Variants in CORIN observed in about 807,000 individuals in gnomAD.
CORIN encodes corin, serine peptidase, also known as atrial natriuretic peptide-converting enzyme.
Under a neutral mutation model 125.3 loss-of-function variants are expected in CORIN, and 117 were observed. The ratio of observed to expected loss-of-function variants is 0.93; its 90% CI spans 0.80 to 1.09. CORIN has a LOEUF of 1.09. Among genes scored for constraint, CORIN ranks in the 50% least tolerant of loss-of-function variants. The pLI, the probability that CORIN is intolerant of heterozygous loss-of-function variation, is 0.00. For missense variants in CORIN, 1,253 were observed against 1,306.7 expected (o/e 0.96, Z 0.63); for synonymous variants, 450 against 466.4 (o/e 0.96, Z 0.45).
intron 19 of CORIN, among the ~76,000 whole-genome samples, chr4:47,611,111 G>C (rs1301479791): frequency 6.6e-6 from 1 of 152,126 alleles, no homozygotes; most frequent in African/African-American, 2.4e-5. Flanking sequence ...TTTTAAAATA[G>C]TTTTTTCTAA....
intron 4 of CORIN, among the ~76,000 whole-genome samples, chr4:47,756,214 C>T (rs907254393): frequency 1.3e-5 from 2 of 152,096 alleles, no homozygotes; most frequent in African/African-American, 4.8e-5. Context: ...ACATTATACA[C>T]AAAGGAAGCT....
intron 12 of CORIN, among the ~76,000 whole-genome samples, chr4:47,658,839 G>T (rs1254758812): frequency 6.6e-6 from 1 of 152,172 alleles, no homozygotes; most frequent in Non-Finnish European, 1.5e-5. Context: ...TTACCACATA[G>T]GTAGGCTGCA....
chr4:47,697,072 C>T (rs1034365531), intron 5 of CORIN, among the ~76,000 whole-genome samples: 8 of 152,228 alleles, frequency 5.3e-5, no homozygotes, highest in African/African-American at 1.9e-4. Context: ...GCGCTCCATT[C>T]TCCATGCTGC....
intron 8 of CORIN, 82 bp downstream of exon 8, chr4:47,680,059 A>T (rs1725197148): frequency 7.2e-6 from 6 of 832,564 alleles, no homozygotes; most frequent in Non-Finnish European, 8.0e-6. Context: ...AGTGAGTCTT[A>T]AGTACAGTCC....
At chr4:47,653,044 G>A (rs1426097601) in intron 13 of CORIN, among the ~76,000 whole-genome samples, 1 of 152,126 alleles carries the variant, frequency 6.6e-6, no homozygotes, top group Admixed American at 6.5e-5. Context: ...AGTTATCCCT[G>A]GTTAAGCATG....
chr4:47,629,852 A>G (rs1224537309), intron 16 of CORIN, among the ~76,000 whole-genome samples: 2 of 152,172 alleles, frequency 1.3e-5, no homozygotes, highest in Non-Finnish European at 2.9e-5. Flanking sequence ...CGTAGACTTT[A>G]TAATTATTTC....
chr4:47,766,751 C>A (rs936214966), intron 3 of CORIN, among the ~76,000 whole-genome samples: 2 of 151,622 alleles, frequency 1.3e-5, no homozygotes, highest in African/African-American at 2.4e-5. Flanking sequence ...TTCGAGACCA[C>A]CCTGGCCAAC....
intron 5 of CORIN, chr4:47,706,694 C>T (rs1577847593): frequency 1.2e-6 from 2 of 1,608,124 alleles, no homozygotes; most frequent in East Asian, 2.2e-5. Flanking sequence ...GCGAGCTGGA[C>T]GCCACTGTGG....
At chr4:47,739,351 C>T (rs1200272256) in intron 5 of CORIN, among the ~76,000 whole-genome samples, 1 of 152,072 alleles carries the variant, frequency 6.6e-6, no homozygotes, top group East Asian at 1.9e-4. Context: ...TAACATCTGA[C>T]TTCTCATCCA....
intron 16 of CORIN, among the ~76,000 whole-genome samples, chr4:47,630,347 G>A (rs915068213): frequency 6.6e-6 from 1 of 152,164 alleles, no homozygotes; most frequent in African/African-American, 2.4e-5. Context: ...AAAGGTGGCT[G>A]GAACTTAAGA....
At chr4:47,695,559 G>A (rs1280677157) in intron 5 of CORIN, among the ~76,000 whole-genome samples, 7 of 152,178 alleles carry the variant, frequency 4.6e-5, no homozygotes, top group Admixed American at 1.3e-4. Context: ...GATATCCCCT[G>A]TCTTGGCTGA....
chr4:47,752,923 A>C (rs1194823869), intron 4 of CORIN, among the ~76,000 whole-genome samples: 1 of 151,992 alleles, frequency 6.6e-6, no homozygotes, highest in Non-Finnish European at 1.5e-5. Flanking sequence ...TACACATTAT[A>C]AAAGGATGCC....
Position 47,683,965 on chromosome 4 carries a change from T to G in CORIN, c.914-127A>C, listed in dbSNP as rs1725402069. The G allele has an allele frequency of 4.7e-6, 3 of 632,170 alleles. No homozygotes were observed. The South Asian group carries it at 6.7e-5, about 14-fold the overall frequency. 39.2% of individuals were successfully genotyped at this position (632,170 alleles called of 1,614,324 possible). On this transcript the variant is annotated intron_variant, in intron 6 of 21. Coordinates refer to ENST00000273857, the MANE Select transcript of CORIN (RefSeq NM_006587.4). ...GTAACCTGGTCCACACCTATTGTTT[T>G]ATAGGTGAGAAGGTGGCACACAGAG... is the stretch of plus-strand genomic sequence containing the variant.
At chr4:47,793,564 C>T (rs575527496) in intron 2 of CORIN, among the ~76,000 whole-genome samples, 1 of 152,232 alleles carries the variant, frequency 6.6e-6, no homozygotes, top group South Asian at 2.1e-4. Flanking sequence ...AGATCATATG[C>T]GCATAGCACA....
At chr4:47,624,050 C>G in intron 17 of CORIN, 102 bp from the exon 18 acceptor site, 2 of 915,262 alleles carry the variant, frequency 2.2e-6, no homozygotes, top group South Asian at 3.0e-5. Context: ...ACTGTTACCA[C>G]CAGAAATCAC....
Position 47,594,897 on chromosome 4 carries a change from C to G in CORIN, c.*824G>C, listed in dbSNP as rs1308833947. 1 of 152,100 alleles carries G rather than the reference C, an allele frequency of 6.6e-6. No homozygotes were observed. The highest frequency in any genetic ancestry group is 2.4e-5 in the African/African-American group (1 of 41,426). The allele number at this position is 152,100 out of a possible 1,614,324, so 9.4% of individuals were successfully genotyped here. A position where few individuals can be genotyped will look rare whatever the true frequency, so the allele number is the denominator to read the frequency against. Reference sequence around the variant, plus strand: ...CTATGAGGACAGTTCTATAGAGACTCTTCTATAAAATTATGATCTTGATAT... The same window carrying G: ...CTATGAGGACAGTTCTATAGAGACTGTTCTATAAAATTATGATCTTGATAT... On this transcript the variant is annotated 3_prime_UTR_variant, in exon 22 of 22. Coordinates refer to ENST00000273857, the MANE Select transcript of CORIN (RefSeq NM_006587.4).
intron 20 of CORIN, 131 bp from the exon 21 acceptor site, chr4:47,600,478 CTTGA>C: frequency 1.7e-6 from 1 of 590,940 alleles, no homozygotes; most frequent in Non-Finnish European, 2.7e-6. Context: ...ATATTCTTTA[CTTGA>C]AATGCCATTT....
chr4:47,730,609 C>A (rs1727834184), intron 5 of CORIN, among the ~76,000 whole-genome samples: 2 of 152,164 alleles, frequency 1.3e-5, no homozygotes, highest in African/African-American at 4.8e-5. Context: ...TCTGCATGCT[C>A]CCCCTAGGGG....
chr4:47,692,653 T>A (rs1208649257), intron 6 of CORIN, among the ~76,000 whole-genome samples: 1 of 151,718 alleles, frequency 6.6e-6, no homozygotes, highest in Admixed American at 6.6e-5. Context: ...TTAAAAAAAA[T>A]TGACCTTTAT....
Sources: gnomAD v4.1 joint callset for allele counts (sites outside exome capture counted in the v4.1 genomes callset) on GRCh38, gnomAD v4.1.1 for gene constraint, MANE v1.5 for transcripts, NCBI Gene and HGNC (gene_info 2026-07-23, HGNC 2026-07-21) for gene names.